PDE4D: variants seen among roughly 807,000 people sequenced by gnomAD.
PDE4D encodes phosphodiesterase 4D.
PDE4D carries 24 observed loss-of-function variants against 87.4 expected under a neutral mutation model. That is an observed-to-expected ratio of 0.27 (90% CI 0.20 to 0.39). The LOEUF (loss-of-function observed/expected upper bound fraction) is 0.39. Ranked by LOEUF, PDE4D falls within the 10% of genes least tolerant of loss-of-function variation. The pLI is 1.00. For synonymous variants in PDE4D, 384 were observed against 383.2 expected, an observed-to-expected ratio of 1.00 and a Z score of -0.02; for missense variants, 714 against 1,041.0, an observed-to-expected ratio of 0.69 and a Z score of 4.32.
intron 1 of PDE4D, among the ~76,000 whole-genome samples, chr5:60,501,171 C>A (rs1440638340): frequency 6.6e-6 from 1 of 152,010 alleles, no homozygotes; most frequent in African/African-American, 2.4e-5. Flanking sequence ...CCACAACAGT[C>A]CCCAGAGTGT....
intron 1 of PDE4D, among the ~76,000 whole-genome samples, chr5:60,265,651 G>T (rs949156788): frequency 6.6e-6 from 1 of 152,062 alleles, no homozygotes; most frequent in Non-Finnish European, 1.5e-5. Flanking sequence ...GCCTTAGCTG[G>T]TGGGACCCTA....
At chr5:60,045,069 A>G (rs1267032932) in intron 2 of PDE4D, among the ~76,000 whole-genome samples, 1 of 152,144 alleles carries the variant, frequency 6.6e-6, no homozygotes. Context: ...AACTGGTGTG[A>G]GATGGTATCT....
chr5:60,378,649 C>G (rs888726693), intron 1 of PDE4D, among the ~76,000 whole-genome samples: 1 of 152,004 alleles, frequency 6.6e-6, no homozygotes, highest in Non-Finnish European at 1.5e-5. Flanking sequence ...GTCAGGAGTT[C>G]AAGACCAGCC....
chr5:60,500,231 A>T (rs1750006388), intron 1 of PDE4D, among the ~76,000 whole-genome samples: 1 of 151,982 alleles, frequency 6.6e-6, no homozygotes, highest in Non-Finnish European at 1.5e-5. Context: ...TTGAACCCAA[A>T]AGGTCGAGGC....
At chr5:60,338,992 TTA>T (rs1259947656) in intron 1 of PDE4D, among the ~76,000 whole-genome samples, 3 of 152,136 alleles carry the variant, frequency 2.0e-5, no homozygotes, top group Admixed American at 6.5e-5. Context: ...ACATTTCTGT[TTA>T]TGTCTTCCGC....
rs35050580 is a variant in PDE4D at position 59,081,518 on chromosome 5, T to TA, written c.809-42548dup. On this transcript the variant is annotated intron_variant, in intron 5 of 14. Transcript: ENST00000340635. ...ACCTCATGACCAGGAAGTAATCAGG[T>TA]AAAAAAAAAAAAGAAAAAAAGTGGG... is the stretch of plus-strand genomic sequence containing the variant. 2.3e-3 allele frequency among the ~76,000 whole-genome samples: 305 copies of TA among 135,428 alleles called. 7 individuals are homozygous for TA. The highest frequency in any genetic ancestry group is 7.6e-3 in the African/African-American group (273 of 35,866). The allele number at this position is 135,428 out of a possible 152,430, so 88.8% of individuals were successfully genotyped here.
At chr5:59,693,757 T>C (rs982004137) in intron 1 of PDE4D, among the ~76,000 whole-genome samples, 2 of 152,188 alleles carry the variant, frequency 1.3e-5, no homozygotes, top group Non-Finnish European at 2.9e-5. Flanking sequence ...TTTAATCTAC[T>C]TCCTTGTGAT....
chr5:59,637,979 A>C (rs1473837584), intron 1 of PDE4D, among the ~76,000 whole-genome samples: 2 of 152,208 alleles, frequency 1.3e-5, no homozygotes, highest in Non-Finnish European at 2.9e-5. Flanking sequence ...TTATTTCGTT[A>C]TATTTTCCAA....
At chr5:60,098,623 T>C (rs771602060) in intron 2 of PDE4D, among the ~76,000 whole-genome samples, 3 of 152,078 alleles carry the variant, frequency 2.0e-5, no homozygotes, top group Non-Finnish European at 2.9e-5. Flanking sequence ...TGTATGTTAA[T>C]TTTGTATCCT....
At chr5:59,148,438 A>T (rs1446235266) in intron 5 of PDE4D, among the ~76,000 whole-genome samples, 1 of 152,134 alleles carries the variant, frequency 6.6e-6, no homozygotes, top group Non-Finnish European at 1.5e-5. Context: ...TTTCATGGAG[A>T]TAATAAAAAA....
intron 1 of PDE4D, among the ~76,000 whole-genome samples, chr5:60,414,233 C>T (rs745628710): frequency 3.9e-5 from 6 of 152,126 alleles, no homozygotes; most frequent in Non-Finnish European, 5.9e-5. Context: ...CCATATTATC[C>T]ATACATTGTT....
intron 1 of PDE4D, among the ~76,000 whole-genome samples, chr5:59,306,703 T>A (rs557529760): frequency 0.011 from 1,619 of 149,234 alleles, 6 homozygotes; most frequent in Non-Finnish European, 0.019. Flanking sequence ...CTCAATGAAA[T>A]AAAAGAGGAT....
At chr5:60,320,938 T>A (rs1025876156) in intron 1 of PDE4D, among the ~76,000 whole-genome samples, 5 of 152,128 alleles carry the variant, frequency 3.3e-5, no homozygotes, top group Non-Finnish European at 7.4e-5. Flanking sequence ...AACCATCATG[T>A]GTAGGAAGAA....
At chr5:59,008,741 C>T (rs4395595) in intron 6 of PDE4D, among the ~76,000 whole-genome samples, 15,329 of 151,908 alleles carry the variant, frequency 0.1, 1,037 homozygotes, top group Non-Finnish European at 0.13. Flanking sequence ...CTGGACTTTA[C>T]CAAATTTCTC....
chr5:59,673,743 T>G (rs1747607484), intron 1 of PDE4D, among the ~76,000 whole-genome samples: 1 of 152,180 alleles, frequency 6.6e-6, no homozygotes, highest in African/African-American at 2.4e-5. Flanking sequence ...AGAAATAGAA[T>G]AAAAATTCCT....
At chr5:59,503,397 A>T (rs549603010) in intron 1 of PDE4D, among the ~76,000 whole-genome samples, 38 of 152,336 alleles carry the variant, frequency 2.5e-4, no homozygotes, top group African/African-American at 9.1e-4. Context: ...GCTGGTTCAC[A>T]GCAAAGGTTC....
chr5:59,117,385 G>C (rs1468694051), intron 5 of PDE4D, among the ~76,000 whole-genome samples: 1 of 152,124 alleles, frequency 6.6e-6, no homozygotes, highest in African/African-American at 2.4e-5. Context: ...TAGTTTGACA[G>C]ACCAAGGCTT....
intron 3 of PDE4D, among the ~76,000 whole-genome samples, chr5:59,919,043 TACAA>T (rs1754385823): frequency 6.6e-6 from 1 of 152,190 alleles, no homozygotes; most frequent in African/African-American, 2.4e-5. Context: ...GATATGTAAG[TACAA>T]ACAAACTGGC....
chr5:60,438,002 C>G (rs1469014858), intron 1 of PDE4D, among the ~76,000 whole-genome samples: 1 of 152,114 alleles, frequency 6.6e-6, no homozygotes, highest in Non-Finnish European at 1.5e-5. Context: ...CAGGCAAATG[C>G]AGGACAGTGG....
Sources: allele counts gnomAD v4.1 joint callset (sites outside exome capture counted in the v4.1 genomes callset), GRCh38; gene constraint gnomAD v4.1.1; transcripts MANE v1.5; gene names NCBI Gene and HGNC (gene_info 2026-07-23, HGNC 2026-07-21).